The following GPC5 variants were observed in gnomAD, a reference collection of about 807,000 sequenced individuals.
The protein encoded by GPC5 is glypican-5.
A neutral mutation model predicts 53.9 loss-of-function variants in GPC5; 47 were observed. The observed-to-expected ratio is 0.87, with a 90% CI of 0.69 to 1.11. The LOEUF (loss-of-function observed/expected upper bound fraction) is 1.11. Among genes scored for constraint, GPC5 ranks in the 50% most tolerant of loss-of-function variants. The pLI, the probability that GPC5 is intolerant of heterozygous loss-of-function variation, is 0.00. For missense variants in GPC5, 748 were observed against 713.1 expected (o/e 1.05, Z -0.56); for synonymous variants, 286 against 263.3 (o/e 1.09, Z -0.84).
At chr13:92,514,973 G>A (rs1449177711) in intron 7 of GPC5, among the ~76,000 whole-genome samples, 4 of 152,106 alleles carry the variant, frequency 2.6e-5, no homozygotes, top group African/African-American at 7.2e-5. Flanking sequence ...CCACAGAAAC[G>A]CAGGGAGATG....
intron 5 of GPC5, among the ~76,000 whole-genome samples, chr13:91,898,067 C>G (rs1419332417): frequency 6.6e-6 from 1 of 152,092 alleles, no homozygotes; most frequent in East Asian, 1.9e-4. Flanking sequence ...TATTCTTCAC[C>G]AAGTCATATA....
intron 7 of GPC5, among the ~76,000 whole-genome samples, chr13:92,865,206 C>T (rs1255924591): frequency 1.3e-5 from 2 of 152,080 alleles, no homozygotes; most frequent in Non-Finnish European, 2.9e-5. Flanking sequence ...AACCAGAATG[C>T]GACTGGATCT....
At chr13:92,741,709 T>A (rs1401563065) in intron 7 of GPC5, among the ~76,000 whole-genome samples, 2 of 152,102 alleles carry the variant, frequency 1.3e-5, no homozygotes, top group African/African-American at 4.8e-5. Context: ...TTACATTAGG[T>A]ATATCTCCTA....
chr13:91,918,245 A>G (rs1237555509), intron 6 of GPC5, among the ~76,000 whole-genome samples: 3 of 152,194 alleles, frequency 2.0e-5, no homozygotes, highest in Admixed American at 6.5e-5. Flanking sequence ...AACCACCCCC[A>G]TGATTCAATT....
At chr13:91,418,046 C>G (rs1321680266) in intron 1 of GPC5, among the ~76,000 whole-genome samples, 1 of 152,140 alleles carries the variant, frequency 6.6e-6, no homozygotes, top group Non-Finnish European at 1.5e-5. Context: ...CCTTCCAACT[C>G]CATCCTGCCT....
At chr13:92,757,933 A>C (rs976727354) in intron 7 of GPC5, among the ~76,000 whole-genome samples, 1 of 151,522 alleles carries the variant, frequency 6.6e-6, no homozygotes, top group Admixed American at 6.6e-5. Context: ...GCGATTCCTC[A>C]GGGATCTAGA....
intron 1 of GPC5, among the ~76,000 whole-genome samples, chr13:91,410,545 A>G (rs1877662783): frequency 6.6e-6 from 1 of 151,288 alleles, no homozygotes; most frequent in African/African-American, 2.4e-5. Context: ...ACGGGGTTTC[A>G]CTGTGTTAGC....
chr13:92,576,206 T>C (rs1294588802), intron 7 of GPC5, among the ~76,000 whole-genome samples: 4 of 152,208 alleles, frequency 2.6e-5, no homozygotes, highest in African/African-American at 9.6e-5. Flanking sequence ...GAGACATAAA[T>C]GTGTTTTATG....
At chr13:92,507,676 A>T (rs1421617051) in intron 7 of GPC5, among the ~76,000 whole-genome samples, 1 of 152,180 alleles carries the variant, frequency 6.6e-6, no homozygotes, top group Non-Finnish European at 1.5e-5. Context: ...TACCACTGAG[A>T]ATTGAAAATG....
chr13:91,695,054 C>T (rs184818393), intron 3 of GPC5, among the ~76,000 whole-genome samples: 94 of 152,304 alleles, frequency 6.2e-4, no homozygotes, highest in Non-Finnish European at 9.1e-4. Context: ...TTTATGGTTC[C>T]TTTCTGCAAA....
At chr13:91,442,336 G>A (rs1880500679) in intron 1 of GPC5, among the ~76,000 whole-genome samples, 1 of 152,014 alleles carries the variant, frequency 6.6e-6, no homozygotes, top group South Asian at 2.1e-4. Context: ...TCATTTCCAT[G>A]TGTTGCCCAT....
intron 6 of GPC5, among the ~76,000 whole-genome samples, chr13:91,975,165 C>G (rs534704646): frequency 0.09 from 13,693 of 151,982 alleles, 2,082 homozygotes; most frequent in African/African-American, 0.31. Context: ...ACCATAAAAA[C>G]CCTAGAAGAA....
intron 6 of GPC5, among the ~76,000 whole-genome samples, chr13:92,037,426 A>C (rs2040902748): frequency 6.6e-6 from 1 of 152,176 alleles, no homozygotes. Flanking sequence ...GTCTTCCCTG[A>C]CTGCTTTATT....
At chr13:91,706,773 A>C (rs1459619267) in intron 3 of GPC5, among the ~76,000 whole-genome samples, 4 of 152,152 alleles carry the variant, frequency 2.6e-5, no homozygotes, top group African/African-American at 9.7e-5. Flanking sequence ...AGATGTTCCT[A>C]CAGGATGAAT....
At chr13:91,786,334 T>G (rs913944392) in intron 5 of GPC5, among the ~76,000 whole-genome samples, 1 of 152,212 alleles carries the variant, frequency 6.6e-6, no homozygotes, top group African/African-American at 2.4e-5. Context: ...TGAAAGCCTT[T>G]GGATGGCCTA....
chr13:92,185,591 C>A (rs1402026164), intron 7 of GPC5, among the ~76,000 whole-genome samples: 1 of 151,870 alleles, frequency 6.6e-6, no homozygotes, highest in South Asian at 2.1e-4. Flanking sequence ...CTCTCCAGAC[C>A]TATTTGAGCT....
At chr13:91,637,692 G>A (rs1344950830) in intron 2 of GPC5, among the ~76,000 whole-genome samples, 2 of 152,212 alleles carry the variant, frequency 1.3e-5, no homozygotes, top group Non-Finnish European at 2.9e-5. Flanking sequence ...CACTGCTAAG[G>A]CGAAGAGAGA....
chr13:92,377,613 A>G (rs1162812538), intron 7 of GPC5, among the ~76,000 whole-genome samples: 1 of 152,166 alleles, frequency 6.6e-6, no homozygotes, highest in African/African-American at 2.4e-5. Context: ...GCAAAAGCAT[A>G]CTAACTTATG....
chr13:91,904,140 C>CTTTTTTTT (rs57293387), intron 5 of GPC5, among the ~76,000 whole-genome samples: 5 of 94,668 alleles, frequency 5.3e-5, no homozygotes, highest in South Asian at 3.8e-4. Flanking sequence ...TCTTTTCTTT[C>CTTTTTTTT]TTTTTTTTTT....
Sources: gnomAD v4.1 joint callset for allele counts (sites outside exome capture counted in the v4.1 genomes callset) on GRCh38, gnomAD v4.1.1 for gene constraint, MANE v1.5 for transcripts, NCBI Gene and HGNC (gene_info 2026-07-23, HGNC 2026-07-21) for gene names.